The following SLC24A3 variants were observed in gnomAD, a reference collection of about 807,000 sequenced individuals.
SLC24A3 encodes the protein sodium/potassium/calcium exchanger 3.
SLC24A3 carries 28 observed loss-of-function variants against 75.8 expected under a neutral mutation model. That is an observed-to-expected ratio of 0.37 (90% confidence interval 0.27 to 0.51). The LOEUF (loss-of-function observed/expected upper bound fraction) is 0.51, where lower values mean the gene tolerates loss of function less well. SLC24A3 is among the 20% of genes least tolerant of loss of function. SLC24A3 has a pLI of 0.94. For synonymous variants in SLC24A3, 372 were observed against 334.1 expected, an observed-to-expected ratio of 1.11 and a Z score of -1.24; for missense variants, 663 against 847.8, an observed-to-expected ratio of 0.78 and a Z score of 2.71.
intron 9 of SLC24A3, among the ~76,000 whole-genome samples, chr20:19,677,808 C>T (rs1037430482): frequency 1.3e-5 from 2 of 148,714 alleles, no homozygotes; most frequent in East Asian, 4.1e-4. Flanking sequence ...AGCAGATAAA[C>T]AAGTGAACAA....
chr20:19,484,693 G>A (rs1988104296), intron 2 of SLC24A3, among the ~76,000 whole-genome samples: 1 of 152,174 alleles, frequency 6.6e-6, no homozygotes, highest in African/African-American at 2.4e-5. Flanking sequence ...GGGGGAGGCA[G>A]GAATGGGGAG....
chr20:19,537,973 C>A (rs192837157), intron 3 of SLC24A3, among the ~76,000 whole-genome samples: 1,581 of 151,820 alleles, frequency 0.01, 29 homozygotes, highest in Non-Finnish European at 0.01. Flanking sequence ...CACATGTATA[C>A]ATATGTAACA....
intron 1 of SLC24A3, among the ~76,000 whole-genome samples, chr20:19,229,976 G>A (rs62201126): frequency 0.036 from 5,411 of 150,942 alleles, 130 homozygotes; most frequent in Non-Finnish European, 0.054. Context: ...TCCATTTAGT[G>A]ATTTTTCTTT....
intron 2 of SLC24A3, among the ~76,000 whole-genome samples, chr20:19,322,007 C>T (rs533391697): frequency 2.0e-5 from 3 of 152,278 alleles, no homozygotes; most frequent in African/African-American, 7.2e-5. Flanking sequence ...TGATTAGATG[C>T]AGGATGAACA....
chr20:19,358,474 G>T (rs1985729663), intron 2 of SLC24A3, among the ~76,000 whole-genome samples: 1 of 152,156 alleles, frequency 6.6e-6, no homozygotes, highest in Admixed American at 6.5e-5. Context: ...GTCATTAACT[G>T]CCCTGCATCT....
intron 2 of SLC24A3, among the ~76,000 whole-genome samples, chr20:19,295,509 T>A (rs1017328070): frequency 1.3e-5 from 2 of 152,204 alleles, no homozygotes. Context: ...ATGACTCTTA[T>A]TATTTTAAGG....
intron 2 of SLC24A3, among the ~76,000 whole-genome samples, chr20:19,302,341 A>C (rs977776357): frequency 3.3e-5 from 5 of 152,242 alleles, no homozygotes; most frequent in African/African-American, 1.2e-4. Context: ...GAATTAATGA[A>C]CAATTGATTG....
chr20:19,611,089 AG>A (rs1293791446), intron 6 of SLC24A3, among the ~76,000 whole-genome samples: 2 of 152,238 alleles, frequency 1.3e-5, no homozygotes, highest in Non-Finnish European at 2.9e-5. Context: ...CTTTTCAACA[AG>A]GATGGCAGGA....
At chr20:19,402,055 C>A (rs1208386385) in intron 2 of SLC24A3, among the ~76,000 whole-genome samples, 5 of 152,114 alleles carry the variant, frequency 3.3e-5, no homozygotes, top group Admixed American at 2.6e-4. Context: ...CAAAATAAGG[C>A]AGGGGCTACA....
At chr20:19,615,864 G>C (rs1321084281) in intron 6 of SLC24A3, among the ~76,000 whole-genome samples, 3 of 152,136 alleles carry the variant, frequency 2.0e-5, no homozygotes, top group Non-Finnish European at 4.4e-5. Flanking sequence ...CAGACTGAAG[G>C]CTACACTGTT....
rs1214407940 is a variant in SLC24A3, at chr20:19,722,360, G to A, written c.*1220G>A. ...TGCACCCCTCCCTTCCTGGAGGGAT[G>A]GCCAGGGAAGGAGAAAACAGAGAAC... On this transcript the variant is annotated 3_prime_UTR_variant, in exon 17 of 17. Coordinates refer to ENST00000328041, the MANE Select transcript of SLC24A3 (RefSeq NM_020689.4). 6.5e-6 allele frequency: 1 copy of A among 152,734 alleles called. No homozygotes were observed. Among genetic ancestry groups the A allele is most frequent in the Non-Finnish European group, 1.5e-5 (1 of 68,076 alleles). 9.5% of individuals were successfully genotyped at this position (152,734 alleles called of 1,614,324 possible).
At chr20:19,400,252 A>G (rs1484691331) in intron 2 of SLC24A3, among the ~76,000 whole-genome samples, 1 of 152,156 alleles carries the variant, frequency 6.6e-6, no homozygotes, top group Non-Finnish European at 1.5e-5. Context: ...TTGTATTCTT[A>G]TAAATATTCC....
intron 2 of SLC24A3, among the ~76,000 whole-genome samples, chr20:19,376,967 G>T (rs1436549792): frequency 6.6e-6 from 1 of 152,170 alleles, no homozygotes; most frequent in East Asian, 1.9e-4. Context: ...GCAGTTCAGT[G>T]TTAGCAGAGG....
intron 2 of SLC24A3, among the ~76,000 whole-genome samples, chr20:19,446,309 T>A (rs184743891): frequency 6.6e-6 from 1 of 152,174 alleles, no homozygotes; most frequent in African/African-American, 2.4e-5. Flanking sequence ...ATTTACAGAT[T>A]TAAAAACCAT....
Position 19,236,724 on chromosome 20 carries a change from C to T in SLC24A3, c.142+23740C>T, listed in dbSNP as rs904543169. ...TAAACTATGATTGCGCCACTTCACTCCAGCCTGGGTGACAAAGTGAGACCC... is the reference window on the plus strand; with the variant it reads ...TAAACTATGATTGCGCCACTTCACTTCAGCCTGGGTGACAAAGTGAGACCC... On this transcript the variant is annotated intron_variant, in intron 1 of 16. Coordinates refer to ENST00000328041, the MANE Select transcript of SLC24A3 (RefSeq NM_020689.4). Among the ~76,000 whole-genome samples, 6 of 152,276 alleles carry T rather than the reference C, an allele frequency of 3.9e-5. No homozygotes were observed. The East Asian group carries it at 1.2e-3, about 29-fold the overall frequency.
At chr20:19,310,789 G>A (rs1323813650) in intron 2 of SLC24A3, among the ~76,000 whole-genome samples, 2 of 152,150 alleles carry the variant, frequency 1.3e-5, no homozygotes, top group African/African-American at 4.8e-5. Context: ...GTATGGACAT[G>A]CTCCCTTCTT....
intron 2 of SLC24A3, among the ~76,000 whole-genome samples, chr20:19,482,014 G>T (rs1244732350): frequency 6.6e-6 from 1 of 152,156 alleles, no homozygotes; most frequent in African/African-American, 2.4e-5. Flanking sequence ...CCACTGCAGA[G>T]CCAAGCACTT....
intron 2 of SLC24A3, among the ~76,000 whole-genome samples, chr20:19,362,178 G>T (rs572579205): frequency 6.6e-6 from 1 of 152,178 alleles, no homozygotes; most frequent in Admixed American, 6.5e-5. Context: ...GTGAAATCTC[G>T]CATTCTCTGG....
chr20:19,685,197 C>T lies in SLC24A3; in HGVS notation c.1160C>T (p.Pro387Leu). ...CACACCGTGGAGAATGGGACAGGGCCCAGCAGTGCCCCAGACAGGGGCGTG... is the reference window on the plus strand; with the variant it reads ...CACACCGTGGAGAATGGGACAGGGCTCAGCAGTGCCCCAGACAGGGGCGTG... ...IKHTVENGTG[P>L]SSAPDRGVNG... The change falls in exon 12 of 17, where the codon CCC becomes CTC. Residue 387 changes from proline (P) to leucine (L), a missense_variant. Physicochemically the swap from Pro to Leu is moderately conservative, Grantham distance 98 (BLOSUM62 -3). This residue lies in a region of SLC24A3 where 510 missense variants were observed against 703.6 expected (regional missense o/e 0.72). Coordinates refer to ENST00000328041, the MANE Select transcript of SLC24A3 (RefSeq NM_020689.4). The T allele has an allele frequency of 1.2e-6, 2 of 1,614,104 alleles. No individual in the cohort carries two copies. Among genetic ancestry groups the T allele is most frequent in the Non-Finnish European group, 1.7e-6 (2 of 1,180,008 alleles).
Sources: allele counts gnomAD v4.1 joint callset (sites outside exome capture counted in the v4.1 genomes callset), GRCh38; gene constraint gnomAD v4.1.1; regional missense constraint gnomAD v4.1.1; transcripts MANE v1.5; gene names NCBI Gene and HGNC (gene_info 2026-07-23, HGNC 2026-07-21).